Variants in LEPROTL1 observed in about 807,000 individuals in gnomAD.
LEPROTL1 encodes the protein leptin receptor overlapping transcript-like 1.
LEPROTL1 carries 6 observed loss-of-function variants against 15.4 expected under a neutral mutation model. That is an observed-to-expected ratio of 0.39 (90% CI 0.21 to 0.77). The LOEUF (loss-of-function observed/expected upper bound fraction) is 0.77, where lower values mean the gene tolerates loss of function less well. Among genes scored for constraint, LEPROTL1 ranks in the 30% least tolerant of loss-of-function variants. The pLI is 0.41. For missense variants in LEPROTL1, 128 were observed against 158.1 expected (o/e 0.81, Z 1.02); for synonymous variants, 56 against 52.6 (o/e 1.06, Z -0.28).
chr8:30,111,024 C>G (rs1210397945), downstream of LEPROTL1, among the ~76,000 whole-genome samples: 1 of 152,048 alleles, frequency 6.6e-6, no homozygotes, highest in African/African-American at 2.4e-5. Flanking sequence ...GGGAACCTCC[C>G]CAAAATAGGA....
chr8:30,132,040 G>C (rs779724530), intron 3 of LEPROTL1: 1 of 1,551,900 alleles, frequency 6.4e-7, no homozygotes, highest in South Asian at 1.2e-5. Flanking sequence ...CAACCAGAGA[G>C]AGGAGAGACT....
chr8:30,123,512 G>C (rs969024713), intron 3 of LEPROTL1, among the ~76,000 whole-genome samples: 4 of 152,208 alleles, frequency 2.6e-5, no homozygotes, highest in Admixed American at 6.5e-5. Context: ...AGTTTTCCAA[G>C]TACAAGTCTT....
chr8:30,101,836 C>A, intron 1 of LEPROTL1, 62 bp from the exon 2 acceptor site: 1 of 988,912 alleles, frequency 1.0e-6, no homozygotes. Flanking sequence ...GTTCAGACTG[C>A]TGATATTAAT....
rs74960438 is a variant in LEPROTL1 at position 30,137,274 on chromosome 8, G to A, written c.397G>A (p.Gly133Arg). The A allele has an allele frequency of 3.2e-3, 4,969 of 1,550,922 alleles. 147 individuals are homozygous for A. In the African/African-American group the frequency reaches 0.059, roughly 18 times the overall value. The change falls in exon 5 of 5, where the codon GGG (glycine) becomes AGG (arginine). Residue 133 changes from glycine (G) to arginine (R), a missense_variant and splice_region_variant. By Grantham distance (125) the Gly-to-Arg change is moderately radical. Coordinates refer to the LEPROTL1 transcript ENST00000442880. ...AGCTCTTGATTTCTGTTTTCTAGAT[G>A]GGGCGCCTACCCTTCTTCAGCAAGA...
intron 3 of LEPROTL1, among the ~76,000 whole-genome samples, chr8:30,125,013 G>A (rs1045978741): frequency 3.3e-5 from 5 of 152,164 alleles, no homozygotes; most frequent in East Asian, 3.8e-4. Flanking sequence ...TAAGGCACTC[G>A]ATGTAACATA....
chr8:30,134,108 C>T lies in LEPROTL1; in HGVS notation c.394+1619C>T, dbSNP rs1175784295. Among the ~76,000 whole-genome samples the T allele has an allele frequency of 2.0e-5, 3 of 152,162 alleles. No individual in the cohort carries two copies. The East Asian group carries it at 5.8e-4, about 29-fold the overall frequency. ...ATGATTTCAAAACAATTATGTAATG[C>T]TCCTTATTTTTCTCTTAAAAAACTT... On this transcript the variant is annotated intron_variant, in intron 4 of 4. Coordinates refer to the LEPROTL1 transcript ENST00000442880.
intron 3 of LEPROTL1, among the ~76,000 whole-genome samples, chr8:30,129,100 T>C (rs1212833943): frequency 2.0e-5 from 3 of 152,116 alleles, no homozygotes; most frequent in Non-Finnish European, 4.4e-5. Flanking sequence ...GGCATCTCCC[T>C]ATGTTGCCCA....
At chr8:30,121,517 G>C (rs1438439892) in intron 3 of LEPROTL1, among the ~76,000 whole-genome samples, 1 of 152,114 alleles carries the variant, frequency 6.6e-6, no homozygotes, top group Non-Finnish European at 1.5e-5. Flanking sequence ...GCCTCCCAAG[G>C]TGCTGGGATT....
intron 3 of LEPROTL1, chr8:30,105,052 A>G (rs992407032): frequency 2.0e-4 from 31 of 151,916 alleles, no homozygotes; most frequent in African/African-American, 7.5e-4. Flanking sequence ...GAGCATATCA[A>G]CTCCCCCAGT....
intron 3 of LEPROTL1, among the ~76,000 whole-genome samples, chr8:30,121,964 G>A (rs991728681): frequency 1.3e-5 from 2 of 151,544 alleles, no homozygotes; most frequent in Admixed American, 6.6e-5. Flanking sequence ...TCAGGAGTTC[G>A]AGACCAGCCT....
chr8:30,109,682 C>T (rs1350436841), downstream of LEPROTL1, among the ~76,000 whole-genome samples: 2 of 151,772 alleles, frequency 1.3e-5, no homozygotes, highest in Non-Finnish European at 2.9e-5. Flanking sequence ...TGCTGACTTA[C>T]AGTATATTAG....
chr8:30,120,876 A>C (rs1316533658), intron 3 of LEPROTL1, among the ~76,000 whole-genome samples: 1 of 152,192 alleles, frequency 6.6e-6, no homozygotes, highest in Non-Finnish European at 1.5e-5. Context: ...ATACCATCTT[A>C]AATTATTAAG....
At chr8:30,130,692 A>C (rs1438123931) in intron 3 of LEPROTL1, among the ~76,000 whole-genome samples, 1 of 151,918 alleles carries the variant, frequency 6.6e-6, no homozygotes, top group Non-Finnish European at 1.5e-5. Flanking sequence ...AATAGTTATC[A>C]TGTGGGTTTT....
At chr8:30,101,841 A>G in intron 1 of LEPROTL1, 57 bp from the exon 2 acceptor site, 1 of 1,048,884 alleles carries the variant, frequency 9.5e-7, no homozygotes, top group South Asian at 1.4e-5. Context: ...GACTGCTGAT[A>G]TTAATAAAAA....
intron 1 of LEPROTL1, among the ~76,000 whole-genome samples, chr8:30,099,650 T>C (rs1802431346): frequency 6.7e-6 from 1 of 149,812 alleles, no homozygotes; most frequent in Non-Finnish European, 1.5e-5. Flanking sequence ...CTTCACTGGT[T>C]GAGCTGAGAT....
chr8:30,137,226 C>A, intron 4 of LEPROTL1: 1 of 1,417,542 alleles, frequency 7.1e-7, no homozygotes, highest in Non-Finnish European at 9.7e-7. Flanking sequence ...TGATTCATGA[C>A]AACACTTCTC....
rs1802585108 is a variant in LEPROTL1, at chr8:30,107,377, G to C, written c.*1515G>C. On this transcript the variant is annotated 3_prime_UTR_variant, in exon 4 of 4. Transcript: ENST00000321250. ...TGACAGTATTTTGTTAAGGATATTT[G>C]TTTGTATGTTTATTCAGTATACTTA... is the stretch of plus-strand genomic sequence containing the variant. The C allele has an allele frequency of 1.1e-5, 11 of 985,462 alleles. No homozygotes were observed. The highest frequency in any genetic ancestry group is 1.3e-5 in the Non-Finnish European group (11 of 829,592). The allele number at this position is 985,462 out of a possible 1,614,324, so 61.0% of individuals were successfully genotyped here.
At chr8:30,098,813 A>G (rs1231549212) in intron 1 of LEPROTL1, among the ~76,000 whole-genome samples, 2 of 152,228 alleles carry the variant, frequency 1.3e-5, no homozygotes, top group African/African-American at 4.8e-5. Context: ...CACAACAGAA[A>G]AACTTGCTCC....
Position 30,106,095 on chromosome 8 carries a change from T to C in LEPROTL1, c.*233T>C. 4.7e-6 allele frequency: 5 copies of C among 1,052,736 alleles called. No individual in the cohort carries two copies. Among genetic ancestry groups the C allele is most frequent in the Non-Finnish European group, 5.7e-6 (5 of 872,598 alleles). The allele number at this position is 1,052,736 out of a possible 1,614,324, so 65.2% of individuals were successfully genotyped here. On this transcript the variant is annotated 3_prime_UTR_variant, in exon 4 of 4. Coordinates refer to ENST00000321250, the MANE Select transcript of LEPROTL1 (RefSeq NM_015344.3). ...ACTGATTTCACACTTATCTATAGTA[T>C]GCTTTTTGTGGTGTCCTGCTGAATT...
Sources: allele counts gnomAD v4.1 joint callset (sites outside exome capture counted in the v4.1 genomes callset), GRCh38; gene constraint gnomAD v4.1.1; transcripts MANE v1.5; gene names NCBI Gene and HGNC (gene_info 2026-07-23, HGNC 2026-07-21).